The following CRYBG1 variants were observed in gnomAD, a reference collection of about 807,000 sequenced individuals.
The protein encoded by CRYBG1 is beta/gamma crystallin domain-containing protein 1.
A neutral mutation model predicts 189.2 loss-of-function variants in CRYBG1; 139 were observed. The observed-to-expected ratio is 0.73, with a 90% confidence interval of 0.64 to 0.85. The LOEUF is 0.85. Among genes scored for constraint, CRYBG1 ranks in the 40% least tolerant of loss-of-function variants. CRYBG1 has a pLI of 0.00. For missense variants in CRYBG1, 2,611 were observed against 2,675.8 expected, an observed-to-expected ratio of 0.98 and a Z score of 0.53; for synonymous variants, 1,023 against 1,017.1, an observed-to-expected ratio of 1.01 and a Z score of -0.11.
intron 2 of CRYBG1, among the ~76,000 whole-genome samples, chr6:106,474,014 A>G (rs1263811812): frequency 6.6e-6 from 1 of 152,184 alleles, no homozygotes; most frequent in African/African-American, 2.4e-5. Context: ...TTGCCAAACT[A>G]TGGCAAACTA....
chr6:106,452,421 CA>C (rs33972717), intron 2 of CRYBG1, among the ~76,000 whole-genome samples: 71,911 of 125,254 alleles, frequency 0.57, 19,635 homozygotes, highest in African/African-American at 0.69. Flanking sequence ...GAGACTGTCT[CA>C]AAAAAAAAAA....
At chr6:106,502,335 C>G (rs1354372844) in intron 2 of CRYBG1, among the ~76,000 whole-genome samples, 1 of 152,132 alleles carries the variant, frequency 6.6e-6, no homozygotes, top group African/African-American at 2.4e-5. Context: ...TTCTGGGTTA[C>G]AAGTTAATAA....
intron 20 of CRYBG1, among the ~76,000 whole-genome samples, 191 bp from the exon 21 acceptor site, chr6:106,563,573 T>C (rs1460169927): frequency 1.3e-5 from 2 of 152,246 alleles, no homozygotes; most frequent in Non-Finnish European, 2.9e-5. Flanking sequence ...CCATCATTCG[T>C]GTCATCTGAA....
chr6:106,362,254 C>T (rs112129459), intron 1 of CRYBG1, among the ~76,000 whole-genome samples: 3,304 of 152,068 alleles, frequency 0.022, 51 homozygotes, highest in South Asian at 0.058. Context: ...CAGGCATGAG[C>T]CACCGCGCCC....
intron 1 of CRYBG1, among the ~76,000 whole-genome samples, chr6:106,418,238 G>A (rs1771061198): frequency 6.6e-6 from 1 of 152,248 alleles, no homozygotes; most frequent in Admixed American, 6.5e-5. Context: ...TAGGGGAAGG[G>A]CAGGCCATAG....
At chr6:106,447,977 A>C (rs1771699288) in intron 1 of CRYBG1, among the ~76,000 whole-genome samples, 1 of 152,182 alleles carries the variant, frequency 6.6e-6, no homozygotes, top group Admixed American at 6.5e-5. Flanking sequence ...TACATTGTGA[A>C]GGTTGTGTTT....
chr6:106,519,010 A>C (rs1773514550), intron 3 of CRYBG1, 121 bp from the exon 4 acceptor site: 3 of 832,342 alleles, frequency 3.6e-6, no homozygotes, highest in Non-Finnish European at 5.3e-6. Flanking sequence ...CACACACACC[A>C]CACTCCAAAT....
intron 1 of CRYBG1, among the ~76,000 whole-genome samples, chr6:106,370,614 G>A (rs900669914): frequency 6.6e-6 from 1 of 152,136 alleles, no homozygotes; most frequent in Non-Finnish European, 1.5e-5. Context: ...CCCACTTGAG[G>A]CTTATAAGGG....
chr6:106,501,034 G>T (rs1017438519), intron 2 of CRYBG1, among the ~76,000 whole-genome samples: 20 of 152,102 alleles, frequency 1.3e-4, no homozygotes, highest in Admixed American at 1.3e-4. Context: ...ATGTACATTT[G>T]GTAAATATTT....
chr6:106,542,026 T>C (rs1007148069), intron 10 of CRYBG1, among the ~76,000 whole-genome samples: 3 of 152,136 alleles, frequency 2.0e-5, no homozygotes, highest in Admixed American at 6.6e-5. Flanking sequence ...CCCACATCGA[T>C]GCCACACACT....
At chr6:106,446,715 C>T (rs776722170) in intron 1 of CRYBG1, among the ~76,000 whole-genome samples, 1 of 152,074 alleles carries the variant, frequency 6.6e-6, no homozygotes, top group Non-Finnish European at 1.5e-5. Flanking sequence ...TTGGAGAGGC[C>T]CTAGCACTGT....
intron 10 of CRYBG1, among the ~76,000 whole-genome samples, chr6:106,542,797 C>T (rs1774163370): frequency 1.4e-5 from 2 of 144,658 alleles, no homozygotes; most frequent in Admixed American, 1.4e-4. Context: ...TACAGGTGTG[C>T]ATCACTATGC....
In CRYBG1 at chr6:106,511,584, C is replaced by G; in HGVS notation, c.467C>G (p.Ala156Gly). 6.5e-7 allele frequency: 1 copy of G among 1,535,854 alleles called. No homozygotes were observed. Among genetic ancestry groups the G allele is most frequent in the Non-Finnish European group, 8.7e-7 (1 of 1,146,710 alleles). The change falls in exon 3 of 22, where the codon GCC becomes GGC. Residue 156 changes from alanine to glycine, a missense_variant. Ala to Gly is a moderately conservative substitution (Grantham distance 60). Coordinates refer to ENST00000633556, the MANE Select transcript of CRYBG1 (RefSeq NM_001371242.2). ...AKPLSPKDVV[A>G]SPKLPERESE... ...CCACTCTCTCCCAAAGATGTGGTAG[C>G]CTCTCCTAAGCTCCCAGAGAGAGAG... is the stretch of plus-strand genomic sequence containing the variant.
At position 106,458,038 on chromosome 6, in the gene CRYBG1, AAC is replaced by A. The variant is rs774409708; in HGVS notation, c.312+6210_312+6211del. Among the ~76,000 whole-genome samples, 7 of 152,380 alleles carry A rather than the reference AAC, an allele frequency of 4.6e-5. No individual in the cohort carries two copies. The East Asian group carries it at 1.3e-3, about 29-fold the overall frequency. ...AAGGGTGGGGGAAATAAATGTAGGA[AAC>A]ACAAGCCTTTTACTGTGTACTTTTT... On this transcript the variant is annotated intron_variant, in intron 2 of 21. Transcript: ENST00000633556.
chr6:106,360,900 G>T lies in CRYBG1; in HGVS notation c.-9G>T. On this transcript the variant is annotated 5_prime_UTR_variant, in exon 1 of 22. Coordinates refer to ENST00000633556, the MANE Select transcript of CRYBG1 (RefSeq NM_001371242.2). The stretch of plus-strand genomic sequence containing the variant: ...GTCCCGGCAGTCGGAGCGGGAGGAG[G>T]ACAAGACGATGCCGCTGTCCCCGCC... 7 of 1,531,324 alleles carry T rather than the reference G, an allele frequency of 4.6e-6. No individual in the cohort carries two copies. Among genetic ancestry groups the T allele is most frequent in the Non-Finnish European group, 6.1e-6 (7 of 1,144,616 alleles). The allele number at this position is 1,531,324 out of a possible 1,614,324, so 94.9% of individuals were successfully genotyped here.
intron 2 of CRYBG1, among the ~76,000 whole-genome samples, chr6:106,460,205 A>G (rs1003077721): frequency 6.6e-6 from 1 of 151,354 alleles, no homozygotes; most frequent in Non-Finnish European, 1.5e-5. Flanking sequence ...GTTAGCCAGG[A>G]TGGTCTTGAT....
At chr6:106,457,924 AGT>A (rs1487428832) in intron 2 of CRYBG1, among the ~76,000 whole-genome samples, 1 of 152,236 alleles carries the variant, frequency 6.6e-6, no homozygotes, top group Non-Finnish European at 1.5e-5. Context: ...ACGGGGGAAT[AGT>A]GTGTGTATAC....
intron 1 of CRYBG1, among the ~76,000 whole-genome samples, chr6:106,423,742 G>A (rs1448650060): frequency 1.9e-5 from 2 of 105,008 alleles, no homozygotes; most frequent in Non-Finnish European, 3.4e-5. Flanking sequence ...GTCTCACACT[G>A]TCACCAAAGC....
At chr6:106,427,654 T>C (rs1270368161) in intron 1 of CRYBG1, among the ~76,000 whole-genome samples, 1 of 152,234 alleles carries the variant, frequency 6.6e-6, no homozygotes, top group African/African-American at 2.4e-5. Context: ...CAGTTCTCTA[T>C]GTATTAGAGA....
Sources: allele counts gnomAD v4.1 joint callset (sites outside exome capture counted in the v4.1 genomes callset), GRCh38; gene constraint gnomAD v4.1.1; transcripts MANE v1.5; gene names NCBI Gene and HGNC (gene_info 2026-07-23, HGNC 2026-07-21).